The following SMOC2 variants were observed in gnomAD, a reference collection of about 807,000 sequenced individuals.
SMOC2 encodes the protein SPARC related modular calcium binding 2.
Under a neutral mutation model 61.4 loss-of-function variants are expected in SMOC2, and 39 were observed. That is an observed-to-expected ratio of 0.64 (90% CI 0.49 to 0.83). The LOEUF (loss-of-function observed/expected upper bound fraction) is 0.83, where lower values mean the gene tolerates loss of function less well. Ranked by LOEUF, SMOC2 falls within the 40% of genes least tolerant of loss-of-function variation. SMOC2 has a pLI of 0.00. For synonymous variants in SMOC2, 247 were observed against 239.9 expected (o/e 1.03, Z -0.27); for missense variants, 556 against 592.9 (o/e 0.94, Z 0.65).
chr6:168,629,377 G>T (rs1167870080), intron 9 of SMOC2, among the ~76,000 whole-genome samples: 1 of 152,222 alleles, frequency 6.6e-6, no homozygotes, highest in African/African-American at 2.4e-5. Context: ...CTTCCAACAG[G>T]CCTGCTGCTC....
intron 7 of SMOC2, among the ~76,000 whole-genome samples, chr6:168,597,395 G>T (rs914277319): frequency 6.6e-6 from 1 of 152,140 alleles, no homozygotes; most frequent in African/African-American, 2.4e-5. Flanking sequence ...CCTATTACAA[G>T]CCAGGCATCC....
At chr6:168,549,572 C>T (rs369325369) in intron 7 of SMOC2, among the ~76,000 whole-genome samples, 20 of 152,222 alleles carry the variant, frequency 1.3e-4, no homozygotes, top group African/African-American at 4.6e-4. Context: ...TTCTCCTCAT[C>T]GTCTTCACGT....
intron 8 of SMOC2, among the ~76,000 whole-genome samples, chr6:168,602,787 T>A (rs2115193146): frequency 6.6e-6 from 1 of 152,238 alleles, no homozygotes; most frequent in South Asian, 2.1e-4. Flanking sequence ...CTGGGCCCAG[T>A]GAGGGCAGGT....
intron 1 of SMOC2, among the ~76,000 whole-genome samples, chr6:168,442,704 C>CTTTTCTTTTTCT (rs748535039): frequency 6.6e-6 from 1 of 152,182 alleles, no homozygotes; most frequent in African/African-American, 2.4e-5. Context: ...ATGTGGGCAT[C>CTTTTCTTTTTCT]TTTTCTTTTT....
At chr6:168,560,390 TG>T (rs1195627548) in intron 7 of SMOC2, among the ~76,000 whole-genome samples, 3 of 152,278 alleles carry the variant, frequency 2.0e-5, no homozygotes, top group Admixed American at 6.5e-5. Flanking sequence ...ATTTAAGTGA[TG>T]GAAGAGTCAT....
intron 6 of SMOC2, among the ~76,000 whole-genome samples, chr6:168,547,606 A>G (rs1478762501): frequency 6.6e-6 from 1 of 152,156 alleles, no homozygotes; most frequent in Non-Finnish European, 1.5e-5. Context: ...AACGGATGGC[A>G]TAGTAAACAT....
chr6:168,523,015 A>C lies in SMOC2; in HGVS notation c.257-3331A>C, dbSNP rs1219090045. ...CAACACTATGAATGTGCTACATGCC[A>C]CTGAATCGTTCACTTTAAAATGGAT... On this transcript the variant is annotated intron_variant, in intron 2 of 12. Transcript: ENST00000356284. 3.3e-5 allele frequency among the ~76,000 whole-genome samples: 5 copies of C among 151,618 alleles called. No individual in the cohort carries two copies. In the East Asian group the frequency reaches 9.7e-4, roughly 29 times the overall value.
rs530489817 is a variant in SMOC2, at chr6:168,546,622, G to A, written c.512-497G>A. ...GCAGCAGTGGAGAGAGGGAGGGCCA[G>A]AGGTGTAGAAAGGGGTCCAGGATTC... On this transcript the variant is annotated intron_variant, in intron 5 of 12. Transcript: ENST00000356284. Among the ~76,000 whole-genome samples the A allele has an allele frequency of 3.9e-5, 6 of 152,280 alleles. No homozygotes were observed. In the East Asian group the frequency reaches 1.2e-3, roughly 30 times the overall value.
intron 7 of SMOC2, among the ~76,000 whole-genome samples, chr6:168,584,798 C>T (rs552664349): frequency 6.6e-6 from 1 of 152,264 alleles, no homozygotes; most frequent in Non-Finnish European, 1.5e-5. Flanking sequence ...CACAGACGGC[C>T]GTGCACGGTG....
rs1214098433 is a variant in SMOC2, at chr6:168,599,498, C to CCACACTCACACA, written c.824+497_824+498insACTCACACACAC. ...CCACACACAATCATACCCCACACACCCACTGACACTCACACACACACTCAT... is the reference window on the plus strand; with the variant it reads ...CCACACACAATCATACCCCACACACCCACACTCACACACACTGACACTCACACACACACTCAT... On this transcript the variant is annotated intron_variant, in intron 8 of 12. Coordinates refer to ENST00000356284, the MANE Select transcript of SMOC2 (RefSeq NM_001166412.2). Among the ~76,000 whole-genome samples the CCACACTCACACA allele has an allele frequency of 4.2e-3, 436 of 103,376 alleles. 11 individuals carry two copies. The highest frequency in any genetic ancestry group is 0.017 in the African/African-American group (397 of 23,744). The allele number at this position is 103,376 out of a possible 152,430, so 67.8% of individuals were successfully genotyped here.
At chr6:168,558,687 G>A (rs1402637699) in intron 7 of SMOC2, among the ~76,000 whole-genome samples, 1 of 152,204 alleles carries the variant, frequency 6.6e-6, no homozygotes, top group Non-Finnish European at 1.5e-5. Flanking sequence ...TGTGCACATC[G>A]AGCTTGGTAC....
intron 2 of SMOC2, among the ~76,000 whole-genome samples, chr6:168,524,845 C>T (rs774864712): frequency 1.3e-5 from 2 of 152,246 alleles, no homozygotes; most frequent in African/African-American, 4.8e-5. Context: ...AGCATGTGGC[C>T]GGTGGTTCTG....
chr6:168,647,949 A>G (rs984424352), intron 9 of SMOC2, among the ~76,000 whole-genome samples: 2 of 151,818 alleles, frequency 1.3e-5, no homozygotes, highest in South Asian at 4.2e-4. Context: ...TTTTTGCACT[A>G]AAGACTCCTG....
At chr6:168,451,619 CT>C (rs1562535977) in intron 1 of SMOC2, among the ~76,000 whole-genome samples, 19 of 151,538 alleles carry the variant, frequency 1.3e-4, no homozygotes, top group Non-Finnish European at 2.5e-4. Context: ...CTCTCTCTCT[CT>C]CTCTCTCTCC....
At chr6:168,590,771 T>C (rs1384594041) in intron 7 of SMOC2, among the ~76,000 whole-genome samples, 1 of 152,228 alleles carries the variant, frequency 6.6e-6, no homozygotes, top group Non-Finnish European at 1.5e-5. Context: ...TTTTTAATGT[T>C]CATAAATGTC....
chr6:168,622,066 C>T (rs569546728), intron 9 of SMOC2, among the ~76,000 whole-genome samples: 6 of 152,064 alleles, frequency 3.9e-5, no homozygotes, highest in East Asian at 1.9e-4. Context: ...CCCGGGTTCA[C>T]GCCATTCTTC....
intron 1 of SMOC2, among the ~76,000 whole-genome samples, chr6:168,496,661 C>G (rs552500699): frequency 1.4e-4 from 22 of 152,266 alleles, no homozygotes; most frequent in Admixed American, 5.2e-4. Context: ...TGAGAGGTGT[C>G]AGGTGAAGGA....
At chr6:168,574,641 AG>A (rs1052255415) in intron 7 of SMOC2, among the ~76,000 whole-genome samples, 7 of 152,114 alleles carry the variant, frequency 4.6e-5, no homozygotes, top group Admixed American at 1.3e-4. Context: ...TGCCTGAGTC[AG>A]GGGGGATTCC....
intron 1 of SMOC2, among the ~76,000 whole-genome samples, chr6:168,504,728 G>A (rs1039981098): frequency 2.0e-5 from 3 of 152,108 alleles, no homozygotes; most frequent in Non-Finnish European, 4.4e-5. Flanking sequence ...ATTTGTGGAT[G>A]TACATTTCTG....
Sources: gnomAD v4.1 joint callset for allele counts (sites outside exome capture counted in the v4.1 genomes callset) on GRCh38, gnomAD v4.1.1 for gene constraint, MANE v1.5 for transcripts, NCBI Gene and HGNC (gene_info 2026-07-23, HGNC 2026-07-21) for gene names.